The following SLCO1A2 variants were observed in gnomAD, a reference collection of about 807,000 sequenced individuals.
SLCO1A2 encodes the protein solute carrier organic anion transporter family member 1A2.
In SLCO1A2, 67 loss-of-function variants were observed where a neutral mutation model predicts 69.0. That is an observed-to-expected ratio of 0.97 (90% confidence interval 0.80 to 1.19). The LOEUF is 1.19. SLCO1A2 is among the 50% of genes most tolerant of loss of function. SLCO1A2 has a pLI of 0.00. For synonymous variants in SLCO1A2, 260 were observed against 265.9 expected (o/e 0.98, Z 0.22); for missense variants, 787 against 793.7 (o/e 0.99, Z 0.10).
chr12:21,398,192 G>C (rs370157584), upstream of SLCO1A2, among the ~76,000 whole-genome samples: 1 of 148,438 alleles, frequency 6.7e-6, no homozygotes, highest in Non-Finnish European at 1.5e-5. Flanking sequence ...TAAAGGGGAT[G>C]TCACCACCGA....
chr12:21,312,037 GAGGAA>G (rs1260208077), intron 4 of SLCO1A2, among the ~76,000 whole-genome samples: 2 of 145,206 alleles, frequency 1.4e-5, no homozygotes, highest in South Asian at 2.2e-4. Flanking sequence ...AGAAGAAGAA[GAGGAA>G]GAAGAAGAGG....
chr12:21,356,182 A>G (rs1440645709), intron 2 of SLCO1A2, among the ~76,000 whole-genome samples: 2 of 152,042 alleles, frequency 1.3e-5, no homozygotes, highest in African/African-American at 4.8e-5. Flanking sequence ...GTTTCACCAT[A>G]TATTTTTAAA....
At chr12:21,321,303 T>C (rs998249468) in intron 2 of SLCO1A2, among the ~76,000 whole-genome samples, 1 of 152,150 alleles carries the variant, frequency 6.6e-6, no homozygotes, top group Non-Finnish European at 1.5e-5. Flanking sequence ...CTTTAGGAAG[T>C]TCATGCTCAT....
intron 9 of SLCO1A2, among the ~76,000 whole-genome samples, chr12:21,296,168 A>AAT (rs1185807517): frequency 1.3e-5 from 2 of 152,100 alleles, no homozygotes; most frequent in East Asian, 1.9e-4. Context: ...GTGTAGTGAG[A>AAT]ATATATATAT....
intron 5 of SLCO1A2, among the ~76,000 whole-genome samples, chr12:21,305,816 T>G (rs973342322): frequency 3.3e-5 from 5 of 152,264 alleles, no homozygotes; most frequent in Non-Finnish European, 5.9e-5. Context: ...GTTTCCTGAC[T>G]CAATGATGGT....
At chr12:21,344,958 C>T (rs7301895) in intron 2 of SLCO1A2, among the ~76,000 whole-genome samples, 9,192 of 151,946 alleles carry the variant, frequency 0.06, 437 homozygotes, top group Non-Finnish European at 0.096. Flanking sequence ...TCCCCAAAAT[C>T]TCCTATTCCA....
rs1399001696 is a variant in SLCO1A2, at chr12:21,265,902, C to G, written c.*3646G>C. 1 of 152,096 alleles carries G rather than the reference C, an allele frequency of 6.6e-6. No individual in the cohort carries two copies. Among genetic ancestry groups the G allele is most frequent in the Non-Finnish European group, 1.5e-5 (1 of 68,010 alleles). The allele number at this position is 152,096 out of a possible 1,614,324, so 9.4% of individuals were successfully genotyped here. On this transcript the variant is annotated 3_prime_UTR_variant, in exon 15 of 15. Coordinates refer to ENST00000683939, the MANE Select transcript of SLCO1A2 (RefSeq NM_001386879.1). ...TTTCTATATTTTCTTATATAGAAAT[C>G]ATACTCTTTTAACATCTACAACCTC...
At chr12:21,405,557 C>A (rs982686709) in intron 1 of SLCO1A2, among the ~76,000 whole-genome samples, 36 of 152,132 alleles carry the variant, frequency 2.4e-4, no homozygotes, top group African/African-American at 8.4e-4. Flanking sequence ...ACCAAAACAG[C>A]ATGGTACTGG....
rs372165452 is a variant in SLCO1A2 at position 21,320,379 on chromosome 12, G to A, written c.61-1456C>T. On this transcript the variant is annotated intron_variant, in intron 2 of 14. Coordinates refer to ENST00000683939, the MANE Select transcript of SLCO1A2 (RefSeq NM_001386879.1). ...TGCCTATGTCTTTAGAAAGATTGGTGTCCCTTTCCTGTACATAAAATCCCT... is the reference window on the plus strand; with the variant it reads ...TGCCTATGTCTTTAGAAAGATTGGTATCCCTTTCCTGTACATAAAATCCCT... Among the ~76,000 whole-genome samples, 19 of 152,214 alleles carry A rather than the reference G, an allele frequency of 1.2e-4. No individual in the cohort carries two copies. In the East Asian group the frequency reaches 1.7e-3, roughly 14 times the overall value.
chr12:21,342,203 T>C (rs1463063689), intron 2 of SLCO1A2, among the ~76,000 whole-genome samples: 3 of 152,066 alleles, frequency 2.0e-5, no homozygotes, highest in Admixed American at 6.6e-5. Context: ...TCTCTCAAGA[T>C]TGCCTTCATC....
rs1432089124 is a variant in SLCO1A2, at chr12:21,334,161, C to G, written c.60+427G>C. ...GGAAATTATTGTTATGTTGCCAAAGCTTAAAGAAAACATTTGTTTTGCTGG... is the reference window on the plus strand; with the variant it reads ...GGAAATTATTGTTATGTTGCCAAAGGTTAAAGAAAACATTTGTTTTGCTGG... On this transcript the variant is annotated intron_variant, in intron 2 of 14. Coordinates refer to ENST00000683939, the MANE Select transcript of SLCO1A2 (RefSeq NM_001386879.1). Among the ~76,000 whole-genome samples, 4 of 152,052 alleles carry G rather than the reference C, an allele frequency of 2.6e-5. No individual in the cohort carries two copies. In the South Asian group the frequency reaches 8.3e-4, roughly 31 times the overall value.
intron 12 of SLCO1A2, 122 bp from the exon 13 acceptor site, chr12:21,275,546 C>G: frequency 9.6e-7 from 1 of 1,039,558 alleles, no homozygotes; most frequent in Non-Finnish European, 1.3e-6. Flanking sequence ...TACTTTCATG[C>G]TCACTTATTG....
intron 2 of SLCO1A2, among the ~76,000 whole-genome samples, chr12:21,347,662 A>C (rs1953305519): frequency 7.5e-6 from 1 of 133,846 alleles, no homozygotes; most frequent in African/African-American, 3.1e-5. Flanking sequence ...GGAAAGAAGA[A>C]AGAAAGAAAG....
upstream of SLCO1A2, among the ~76,000 whole-genome samples, chr12:21,397,685 A>T (rs1941525274): frequency 6.7e-6 from 1 of 149,514 alleles, no homozygotes; most frequent in South Asian, 2.2e-4. Flanking sequence ...CTCAGACCAC[A>T]GTGCAATCAA....
At chr12:21,333,640 G>A (rs1387718692) in intron 2 of SLCO1A2, among the ~76,000 whole-genome samples, 5 of 151,968 alleles carry the variant, frequency 3.3e-5, no homozygotes, top group Non-Finnish European at 7.4e-5. Context: ...AAGACCTCTT[G>A]TTTATAAATA....
intron 10 of SLCO1A2, 100 bp from the exon 11 acceptor site, chr12:21,294,210 T>C (rs552556254): frequency 2.1e-6 from 2 of 959,964 alleles, no homozygotes; most frequent in Admixed American, 3.3e-5. Flanking sequence ...TCTCCTCCCA[T>C]GAATAGAAAG....
intron 3 of SLCO1A2, among the ~76,000 whole-genome samples, chr12:21,317,075 C>G (rs977979360): frequency 1.3e-5 from 2 of 151,640 alleles, no homozygotes; most frequent in Non-Finnish European, 2.9e-5. Flanking sequence ...TCCTTTGCAC[C>G]CATATAGTTT....
intron 2 of SLCO1A2, among the ~76,000 whole-genome samples, chr12:21,331,264 T>A (rs185085580): frequency 2.2e-4 from 33 of 151,852 alleles, no homozygotes; most frequent in African/African-American, 5.8e-4. Context: ...TTCTCTAGAT[T>A]TTTTTTGGTA....
intron 14 of SLCO1A2, among the ~76,000 whole-genome samples, chr12:21,271,726 T>C (rs931908619): frequency 6.7e-6 from 1 of 148,316 alleles, no homozygotes; most frequent in Admixed American, 6.8e-5. Context: ...TGTGAATATA[T>C]GTTGCATATG....
Sources: gnomAD v4.1 joint callset for allele counts (sites outside exome capture counted in the v4.1 genomes callset) on GRCh38, gnomAD v4.1.1 for gene constraint, MANE v1.5 for transcripts, NCBI Gene and HGNC (gene_info 2026-07-23, HGNC 2026-07-21) for gene names.